ARMCX4: variants seen among roughly 807,000 people sequenced by gnomAD.
ARMCX4 encodes the protein armadillo repeat-containing X-linked protein 4.
Under a neutral mutation model 34.7 loss-of-function variants are expected in ARMCX4, and 3 were observed. The observed-to-expected ratio is 0.09, with a 90% CI of 0.04 to 0.22. The LOEUF (loss-of-function observed/expected upper bound fraction) is 0.22, where lower values mean the gene tolerates loss of function less well. Ranked by LOEUF, ARMCX4 falls within the 10% of genes least tolerant of loss-of-function variation. The pLI is 1.00. For synonymous variants in ARMCX4, 513 were observed against 632.8 expected, an observed-to-expected ratio of 0.81 and a Z score of 2.84; for missense variants, 1,448 against 1,720.8, an observed-to-expected ratio of 0.84 and a Z score of 2.81.
chrX:101,448,912 C>CTTT (rs3060590), downstream of ARMCX4, among the ~76,000 whole-genome samples: 2 of 71,824 alleles, frequency 2.8e-5, no homozygotes, highest in African/African-American at 1.1e-4. Flanking sequence ...CTTTTCTTTC[C>CTTT]TTTTTTTTTT....
In ARMCX4 at chrX:101,527,406, A is replaced by G. The variant is rs377082182; in HGVS notation, c.*1781-4238A>G. ...AAAGATCTAAAATCGACACCCTAAC[A>G]TCACACTTAAAGAACTAGAGAAGCA... is the stretch of plus-strand genomic sequence containing the variant. On this transcript the variant is annotated intron_variant and NMD_transcript_variant, in intron 11 of 12. Transcript: ENST00000354842. 1.3e-4 allele frequency among the ~76,000 whole-genome samples: 14 copies of G among 111,918 alleles called. 3 individuals are homozygous for G. Among genetic ancestry groups the G allele is most frequent in the East Asian group, 8.4e-4 (3 of 3,552 alleles).
intron 11 of ARMCX4, among the ~76,000 whole-genome samples, chrX:101,518,005 A>G (rs1032677303): frequency 1.8e-5 from 2 of 111,776 alleles, no homozygotes; most frequent in African/African-American, 6.5e-5. Flanking sequence ...AAAATCCTAC[A>G]TGCTTCCAGA....
At chrX:101,477,430 C>CA (rs1156582627) in intron 4 of ARMCX4, among the ~76,000 whole-genome samples, 2,877 of 12,477 alleles carry the variant, frequency 0.23, 1,159 homozygotes, top group Admixed American at 0.28. Context: ...GACTCTGTCT[C>CA]AAAAAAAAAA....
chrX:101,444,060 G>T, exon 3 of ARMCX4: 1 of 353,757 alleles, frequency 2.8e-6, no homozygotes, highest in Non-Finnish European at 5.5e-6. Flanking sequence ...AGTGCTCAGA[G>T]CATGAAAATT....
In ARMCX4 at chrX:101,519,304, A is replaced by G. The variant is rs1934802595; in HGVS notation, c.*1780+8249A>G. Among the ~76,000 whole-genome samples the G allele has an allele frequency of 6.3e-5, 7 of 111,159 alleles. No individual in the cohort carries two copies. The Admixed American group carries it at 6.7e-4, about 11-fold the overall frequency. On this transcript the variant is annotated intron_variant and NMD_transcript_variant, in intron 11 of 12. Coordinates refer to the ARMCX4 transcript ENST00000354842. Reference sequence around the variant, plus strand: ...CTTGTATCACTAAAATTTTATATCCATTGAACAGCAACTCCCCATTTCCCC... The same window carrying G: ...CTTGTATCACTAAAATTTTATATCCGTTGAACAGCAACTCCCCATTTCCCC...
intron 11 of ARMCX4, among the ~76,000 whole-genome samples, chrX:101,519,886 T>C (rs1315488691): frequency 9.0e-6 from 1 of 111,142 alleles, no homozygotes; most frequent in Admixed American, 9.6e-5. Context: ...TGATATCTCA[T>C]TGTGGTTTTG....
intron 11 of ARMCX4, among the ~76,000 whole-genome samples, chrX:101,515,391 T>TTTCTTTCCCTCCC (rs1934700768): frequency 5.5e-5 from 1 of 18,193 alleles, no homozygotes; most frequent in African/African-American, 2.3e-4. Flanking sequence ...TTTTCTTTCT[T>TTTCTTTCCCTCCC]TCCCTCCCTC....
chrX:101,424,143 G>A (rs185628593), intron 2 of ARMCX4, among the ~76,000 whole-genome samples: 3 of 111,224 alleles, frequency 2.7e-5, no homozygotes, highest in East Asian at 2.8e-4. Context: ...GATTACAGGC[G>A]TGAGCCACCG....
intron 11 of ARMCX4, among the ~76,000 whole-genome samples, chrX:101,515,352 T>TTTCTTTCTTTCTTTCC (rs1934688133): frequency 1.1e-4 from 4 of 36,003 alleles, no homozygotes; most frequent in Non-Finnish European, 5.2e-5. Flanking sequence ...CTTTTCTTTC[T>TTTCTTTCTTTCTTTCC]TTCTTTCTTT....
chrX:101,535,858 G>T (rs367545762), downstream of ARMCX4, among the ~76,000 whole-genome samples: 9 of 110,941 alleles, frequency 8.1e-5, no homozygotes, highest in East Asian at 8.4e-4. Flanking sequence ...TGCTATATTT[G>T]GCACCCCCTT....
chrX:101,436,823 A>G (rs1441863721), intron 2 of ARMCX4, among the ~76,000 whole-genome samples: 2 of 111,775 alleles, frequency 1.8e-5, no homozygotes, highest in African/African-American at 6.5e-5. Flanking sequence ...CGTCCCATCA[A>G]TACCTAATTT....
intron 2 of ARMCX4, among the ~76,000 whole-genome samples, chrX:101,437,561 A>G (rs1475638529): frequency 1.1e-4 from 12 of 111,011 alleles, no homozygotes; most frequent in African/African-American, 3.3e-4. Flanking sequence ...TCTTGCTAGC[A>G]GTCTATCAAT....
intron 2 of ARMCX4, among the ~76,000 whole-genome samples, chrX:101,419,674 G>A (rs782087775): frequency 9.4e-4 from 105 of 111,328 alleles, no homozygotes; most frequent in Non-Finnish European, 1.8e-3. Flanking sequence ...CCCTGTCCTC[G>A]GCCTGCCTAG....
intron 11 of ARMCX4, among the ~76,000 whole-genome samples, chrX:101,520,322 A>C (rs1383615428): frequency 1.8e-5 from 2 of 111,983 alleles, no homozygotes; most frequent in Non-Finnish European, 3.8e-5. Context: ...CCTCCACTAA[A>C]ATGGTGAATA....
intron 11 of ARMCX4, among the ~76,000 whole-genome samples, chrX:101,528,214 C>T (rs926812605): frequency 1.8e-5 from 2 of 112,015 alleles, no homozygotes; most frequent in African/African-American, 3.2e-5. Flanking sequence ...ATCACATAAA[C>T]AGAACCAAAG....
chrX:101,518,423 T>A (rs1294592239), intron 11 of ARMCX4, among the ~76,000 whole-genome samples: 4 of 111,669 alleles, frequency 3.6e-5, no homozygotes, highest in Non-Finnish European at 7.5e-5. Context: ...TATATACATT[T>A]GGTAAAATTT....
chrX:101,497,401 T>G (rs74837770), downstream of ARMCX4, among the ~76,000 whole-genome samples: 5 of 104,554 alleles, frequency 4.8e-5, no homozygotes, highest in Non-Finnish European at 9.9e-5. Context: ...CACACCTGGC[T>G]TTTTTTTTTG....
At chrX:101,470,914 G>T (rs1252795824) in intron 4 of ARMCX4, among the ~76,000 whole-genome samples, 1 of 111,802 alleles carries the variant, frequency 8.9e-6, no homozygotes, top group African/African-American at 3.3e-5. Context: ...CTCCAAAGTG[G>T]CTGTACCATT....
intron 11 of ARMCX4, among the ~76,000 whole-genome samples, chrX:101,515,649 G>A (rs782339027): frequency 9.0e-4 from 95 of 105,045 alleles, no homozygotes; most frequent in African/African-American, 2.8e-3. Flanking sequence ...AGAGATTCTC[G>A]TGCCTCAGCT....
Sources: allele counts gnomAD v4.1 joint callset (sites outside exome capture counted in the v4.1 genomes callset), GRCh38; gene constraint gnomAD v4.1.1; transcripts MANE v1.5; gene names NCBI Gene and HGNC (gene_info 2026-07-23, HGNC 2026-07-21).